Variants in BOP1 observed in about 807,000 individuals in gnomAD.
BOP1 encodes the protein BOP1 ribosomal biogenesis factor.
BOP1 carries 54 observed loss-of-function variants against 82.9 expected under a neutral mutation model. The ratio of observed to expected loss-of-function variants is 0.65; its 90% confidence interval spans 0.52 to 0.82. BOP1 has a LOEUF of 0.82. Ranked by LOEUF, BOP1 falls within the 40% of genes least tolerant of loss-of-function variation. The pLI is 0.00. For missense variants in BOP1, 1,170 were observed against 1,072.0 expected, an observed-to-expected ratio of 1.09 and a Z score of -1.28; for synonymous variants, 566 against 451.1, an observed-to-expected ratio of 1.25 and a Z score of -3.23.
At chr8:144,276,361 T>C in intron 2 of BOP1, 57 bp from the exon 3 acceptor site, 2 of 1,589,208 alleles carry the variant, frequency 1.3e-6, no homozygotes, top group Non-Finnish European at 1.7e-6. Context: ...CCTTTGACCT[T>C]GGGGGGATCC....
intron 13 of BOP1, 79 bp from the exon 14 acceptor site, chr8:144,262,751 C>G: frequency 6.6e-7 from 1 of 1,505,520 alleles, no homozygotes; most frequent in Non-Finnish European, 9.0e-7. Context: ...CTACACCCCT[C>G]ACCTGCAGGG....
intron 3 of BOP1, among the ~76,000 whole-genome samples, chr8:144,270,432 G>A (rs1471410888): frequency 6.6e-6 from 1 of 152,172 alleles, no homozygotes. Flanking sequence ...CCTGCTGGTT[G>A]GGGTGCAGCA....
chr8:144,267,329 G>C, intron 3 of BOP1: 2 of 997,828 alleles, frequency 2.0e-6, no homozygotes, highest in Non-Finnish European at 1.3e-6. Flanking sequence ...CGGGGGCTGG[G>C]GCCTTCTCCT....
intron 1 of BOP1, among the ~76,000 whole-genome samples, chr8:144,290,565 G>A (rs566007018): frequency 6.6e-6 from 1 of 152,348 alleles, no homozygotes; most frequent in South Asian, 2.1e-4. Flanking sequence ...AATAACTAGT[G>A]GAAATGGCAT....
intron 2 of BOP1, among the ~76,000 whole-genome samples, chr8:144,283,006 T>C (rs1359948749): frequency 2.0e-5 from 3 of 148,824 alleles, no homozygotes. Context: ...CTGGCCAACA[T>C]GGTGACACTC....
At chr8:144,283,856 G>A (rs1172593873) in intron 2 of BOP1, among the ~76,000 whole-genome samples, 15 of 152,254 alleles carry the variant, frequency 9.9e-5, no homozygotes, top group African/African-American at 3.6e-4. Flanking sequence ...GGCGGCTCAC[G>A]CCTGTCATCC....
intron 2 of BOP1, among the ~76,000 whole-genome samples, chr8:144,280,265 C>G (rs1276789011): frequency 6.6e-6 from 1 of 152,252 alleles, no homozygotes; most frequent in South Asian, 2.1e-4. Flanking sequence ...CTGGTTCCAT[C>G]CCCAGCTCTG....
At position 144,289,080 on chromosome 8, in the gene BOP1, T is replaced by C. The variant is rs782355000; in HGVS notation, c.309+15A>G. 6.2e-7 allele frequency: 1 copy of C among 1,613,808 alleles called. No homozygotes were observed. The highest frequency in any genetic ancestry group is 8.5e-7 in the Non-Finnish European group (1 of 1,179,918). On this transcript the variant is annotated intron_variant, in intron 2 of 15. Transcript: ENST00000569669. The stretch of plus-strand genomic sequence containing the variant: ...CATGGGGGACAGCCCTCGAGGGGGC[T>C]CCTCGCTCACCCACCTGCACCTGCT...
Position 144,264,188 on chromosome 8 carries a change from T to C in BOP1, c.978+37A>G, listed in dbSNP as rs1057383185. 4.2e-5 allele frequency: 67 copies of C among 1,608,966 alleles called. No homozygotes were observed. In the African/African-American group the frequency reaches 7.9e-4, roughly 19 times the overall value. On this transcript the variant is annotated intron_variant, in intron 7 of 15. Coordinates refer to ENST00000569669, the MANE Select transcript of BOP1 (RefSeq NM_015201.5). ...GGGTGGGGAGGGTCACAGGGAAGCA[T>C]GGGGACAGGGTCCCGGCCCCCAGGA...
At chr8:144,275,859 CGACCATGACCCCCACCCA>C (rs1203261231) in intron 3 of BOP1, among the ~76,000 whole-genome samples, 2 of 151,898 alleles carry the variant, frequency 1.3e-5, no homozygotes, top group African/African-American at 2.4e-5. Flanking sequence ...ACCCCCACCC[CGACCATGACCCCCACCCA>C]GACCATGCAC....
intron 2 of BOP1, among the ~76,000 whole-genome samples, chr8:144,287,134 C>G (rs782614732): frequency 3.9e-5 from 6 of 152,050 alleles, no homozygotes; most frequent in Non-Finnish European, 8.8e-5. Flanking sequence ...CTCAGCCTCC[C>G]GAGTAGCTGG....
rs1845325727 is a variant in BOP1 at position 144,265,057 on chromosome 8, C to T, written c.405G>A (p.Thr135=). The T allele has an allele frequency of 3.7e-6, 6 of 1,610,840 alleles. No homozygotes were observed. The highest frequency in any genetic ancestry group is 1.8e-4 in the Middle Eastern group (1 of 5,656). Reference sequence around the variant, plus strand: ...ACCACTCCAAGGGCACGTTGCCCACCGTGTTCCGGATGTCCTGCAGCCGGG... The same window carrying T: ...ACCACTCCAAGGGCACGTTGCCCACTGTGTTCCGGATGTCCTGCAGCCGGG... ...DSSDEEDIRN[T]VGNVPLEWYD... The change falls in exon 4 of 16, where the codon ACG becomes ACA. Residue 135 remains threonine (T), a synonymous_variant. Coordinates refer to ENST00000569669, the MANE Select transcript of BOP1 (RefSeq NM_015201.5).
At position 144,263,304 on chromosome 8, in the gene BOP1, G is replaced by A. The variant is rs1018522560; in HGVS notation, c.1522C>T (p.Pro508Ser). 97 of 1,593,832 alleles carry A rather than the reference G, an allele frequency of 6.1e-5. No individual in the cohort carries two copies. Among genetic ancestry groups the A allele is most frequent in the Non-Finnish European group, 7.7e-5 (91 of 1,178,802 alleles). Residue 508 changes from proline (P) to serine (S), a missense_variant, in exon 12 of 16, where the codon CCC becomes TCC. Coordinates refer to ENST00000569669, the MANE Select transcript of BOP1 (RefSeq NM_015201.5). The stretch of plus-strand genomic sequence containing the variant: ...AGCCAGCGGGCCGGCTGCAAGGGGG[G>A]CTCCTCAGGCGGGACGAAGGCGCTC... ...LLSAFVPPEE[P>S]PLQPARWLEA...
At chr8:144,289,633 CCACT>C (rs1199035983) in intron 1 of BOP1, among the ~76,000 whole-genome samples, 1 of 152,212 alleles carries the variant, frequency 6.6e-6, no homozygotes, top group Non-Finnish European at 1.5e-5. Context: ...TCTCTACCAC[CCACT>C]GACACTCCGG....
chr8:144,280,507 C>A (rs1845651293), intron 2 of BOP1, among the ~76,000 whole-genome samples: 1 of 152,276 alleles, frequency 6.6e-6, no homozygotes, highest in South Asian at 2.1e-4. Flanking sequence ...CTGGCGGGAT[C>A]CCCTGCCCAA....
At chr8:144,262,738 C>T in intron 13 of BOP1, 66 bp from the exon 14 acceptor site, 2 of 1,540,830 alleles carry the variant, frequency 1.3e-6, no homozygotes, top group Non-Finnish European at 1.8e-6. Context: ...CCCTGCCCGT[C>T]ACCTACACCC....
At chr8:144,265,475 A>C in intron 3 of BOP1, 1 of 269,800 alleles carries the variant, frequency 3.7e-6, no homozygotes, top group Non-Finnish European at 7.1e-6. Context: ...GAAGACCCCA[A>C]CTGACCCATT....
rs1845311495 is a variant in BOP1 at position 144,264,510 on chromosome 8, C to T, written c.765+5G>A. On this transcript the variant is annotated splice_donor_5th_base_variant and intron_variant, in intron 6 of 15. Coordinates refer to ENST00000569669, the MANE Select transcript of BOP1 (RefSeq NM_015201.5). Reference sequence around the variant, plus strand: ...AGGCCAAGCCCCAGGGGCTGTGTGCCCCACCTTCTCCTTCTCCACCAGGGA... The same window carrying T: ...AGGCCAAGCCCCAGGGGCTGTGTGCTCCACCTTCTCCTTCTCCACCAGGGA... 2 of 1,609,430 alleles carry T rather than the reference C, an allele frequency of 1.2e-6. No individual in the cohort carries two copies. The highest frequency in any genetic ancestry group is 1.7e-6 in the Non-Finnish European group (2 of 1,178,858).
chr8:144,279,514 C>T (rs1381825167), intron 2 of BOP1, among the ~76,000 whole-genome samples: 1 of 152,208 alleles, frequency 6.6e-6, no homozygotes, highest in Non-Finnish European at 1.5e-5. Flanking sequence ...CCCAAGGACC[C>T]CCATCTATCA....
Sources: allele counts gnomAD v4.1 joint callset (sites outside exome capture counted in the v4.1 genomes callset), GRCh38; gene constraint gnomAD v4.1.1; transcripts MANE v1.5; gene names NCBI Gene and HGNC (gene_info 2026-07-23, HGNC 2026-07-21).